The following PHF14 variants were observed in gnomAD, a reference collection of about 807,000 sequenced individuals.
PHF14 encodes PHD finger protein 14.
In PHF14, 55 loss-of-function variants were observed where a neutral mutation model predicts 117.9. The observed-to-expected ratio is 0.47, with a 90% CI of 0.38 to 0.58. The LOEUF (loss-of-function observed/expected upper bound fraction) is 0.58. PHF14 is among the 20% of genes least tolerant of loss of function. The pLI is 0.00. For missense variants in PHF14, 978 were observed against 1,122.2 expected (o/e 0.87, Z 1.84); for synonymous variants, 409 against 368.6 (o/e 1.11, Z -1.26).
chr7:11,152,032 T>C lies in PHF14; in HGVS notation c.2773-17384T>C, dbSNP rs73286520. On this transcript the variant is annotated intron_variant, in intron 17 of 17. Transcript: ENST00000634607. The stretch of plus-strand genomic sequence containing the variant: ...AGAAAAACTAGAAGGAGAGTTAATA[T>C]GTTTACCAAAATTTTCATAAATAAT... Among the ~76,000 whole-genome samples the C allele has an allele frequency of 2.5e-3, 385 of 152,298 alleles. 1 individual carries two copies. The highest frequency in any genetic ancestry group is 9.0e-3 in the African/African-American group (373 of 41,564).
chr7:10,987,261 T>G (rs1782257289), intron 3 of PHF14, among the ~76,000 whole-genome samples: 2 of 152,134 alleles, frequency 1.3e-5, no homozygotes, highest in African/African-American at 4.8e-5. Context: ...GGAAGTATGA[T>G]TGGTCAAGCT....
chr7:11,098,781 A>G (rs1291901908), intron 16 of PHF14, among the ~76,000 whole-genome samples: 1 of 152,196 alleles, frequency 6.6e-6, no homozygotes, highest in Non-Finnish European at 1.5e-5. Flanking sequence ...ATTTAAAATT[A>G]AATGCTTTGT....
chr7:11,027,929 A>T (rs1783980812), intron 6 of PHF14, among the ~76,000 whole-genome samples: 1 of 152,056 alleles, frequency 6.6e-6, no homozygotes, highest in Non-Finnish European at 1.5e-5. Flanking sequence ...ACTTGTCTTT[A>T]CTTTAATTTC....
At chr7:11,125,802 T>A (rs1426167552) in intron 17 of PHF14, among the ~76,000 whole-genome samples, 1 of 152,096 alleles carries the variant, frequency 6.6e-6, no homozygotes, top group African/African-American at 2.4e-5. Flanking sequence ...ATTTTAATAT[T>A]TTCTCTGAAG....
chr7:11,096,758 G>A (rs902855446), intron 16 of PHF14, among the ~76,000 whole-genome samples: 11 of 152,020 alleles, frequency 7.2e-5, no homozygotes, highest in African/African-American at 2.7e-4. Context: ...TCTTCCCACA[G>A]GACAGTCATG....
chr7:11,160,494 A>G (rs1323307060), intron 17 of PHF14, among the ~76,000 whole-genome samples: 1 of 152,196 alleles, frequency 6.6e-6, no homozygotes, highest in African/African-American at 2.4e-5. Flanking sequence ...CAGTGGCTGA[A>G]AAAATTTACA....
intron 4 of PHF14, among the ~76,000 whole-genome samples, chr7:10,999,924 C>T (rs1223901341): frequency 2.0e-5 from 3 of 152,108 alleles, no homozygotes; most frequent in Non-Finnish European, 4.4e-5. Context: ...TGAGACTTTG[C>T]TAATGATAAC....
At chr7:11,049,453 C>G (rs1023361993) in intron 13 of PHF14, among the ~76,000 whole-genome samples, 1 of 139,394 alleles carries the variant, frequency 7.2e-6, no homozygotes, top group Non-Finnish European at 1.5e-5. Context: ...CCAGCCTGGG[C>G]GACTTAGCAA....
Position 11,103,062 on chromosome 7 carries a change from T to TA in PHF14, c.2655-8287dup, listed in dbSNP as rs1226806215. On this transcript the variant is annotated intron_variant, in intron 16 of 17. Transcript: ENST00000634607. ...TTCATACATAGATTCATATATGAAG[T>TA]ACTGCATTGTAAAACAACTATAGAC... is the stretch of plus-strand genomic sequence containing the variant. The TA allele has an allele frequency of 1.1e-5, 11 of 980,194 alleles. No individual in the cohort carries two copies. The African/African-American group carries it at 1.9e-4, about 17-fold the overall frequency. The allele number at this position is 980,194 out of a possible 1,614,324, so 60.7% of individuals were successfully genotyped here.
intron 17 of PHF14, among the ~76,000 whole-genome samples, chr7:11,129,629 A>G (rs752260478): frequency 9.6e-5 from 14 of 145,196 alleles, no homozygotes; most frequent in Non-Finnish European, 1.9e-4. Context: ...CTTTCTGTTG[A>G]TGGACCTACC....
intron 6 of PHF14, among the ~76,000 whole-genome samples, chr7:11,027,646 A>T (rs55898701): frequency 2.6e-5 from 4 of 152,254 alleles, no homozygotes; most frequent in African/African-American, 4.8e-5. Flanking sequence ...GAATGTACAT[A>T]ATTGACTGTG....
chr7:11,008,903 G>T (rs912143444), intron 4 of PHF14, among the ~76,000 whole-genome samples: 24 of 151,970 alleles, frequency 1.6e-4, no homozygotes, highest in Non-Finnish European at 3.4e-4. Context: ...GGGCATGGTG[G>T]TGGGCGCCTG....
At chr7:11,030,866 A>C (rs973881157) in intron 7 of PHF14, among the ~76,000 whole-genome samples, 3 of 152,254 alleles carry the variant, frequency 2.0e-5, no homozygotes, top group Non-Finnish European at 4.4e-5. Flanking sequence ...TGTTATAAAC[A>C]GAGAATTAGA....
At chr7:11,086,991 G>A (rs1786435228) in intron 16 of PHF14, among the ~76,000 whole-genome samples, 1 of 151,990 alleles carries the variant, frequency 6.6e-6, no homozygotes, top group Non-Finnish European at 1.5e-5. Context: ...ATTTTTACGT[G>A]GGGTAATATC....
intron 17 of PHF14, among the ~76,000 whole-genome samples, chr7:11,128,629 T>C (rs1000359477): frequency 3.9e-5 from 6 of 151,902 alleles, no homozygotes; most frequent in African/African-American, 1.4e-4. Flanking sequence ...GTTTTATCCC[T>C]GACATTCAAG....
intron 2 of PHF14, among the ~76,000 whole-genome samples, chr7:10,976,285 A>G (rs1781863056): frequency 6.6e-6 from 1 of 152,072 alleles, no homozygotes; most frequent in Admixed American, 6.6e-5. Context: ...TTTATCTCCC[A>G]TTTAGTTGGT....
chr7:11,017,847 A>G (rs1783585868), intron 5 of PHF14, among the ~76,000 whole-genome samples: 1 of 152,118 alleles, frequency 6.6e-6, no homozygotes. Flanking sequence ...TACCCAGAGC[A>G]ATGTCCTGGA....
chr7:11,033,491 T>C (rs780196577), intron 7 of PHF14, among the ~76,000 whole-genome samples: 16 of 152,162 alleles, frequency 1.1e-4, no homozygotes, highest in Admixed American at 2.0e-4. Context: ...ATACAACTTA[T>C]TGGCCAGAAC....
chr7:11,018,990 A>G (rs1188704753), intron 5 of PHF14, among the ~76,000 whole-genome samples: 2 of 152,130 alleles, frequency 1.3e-5, no homozygotes, highest in African/African-American at 2.4e-5. Flanking sequence ...CATCAGTTGA[A>G]ATGATCATAT....
Sources: allele counts gnomAD v4.1 joint callset (sites outside exome capture counted in the v4.1 genomes callset), GRCh38; gene constraint gnomAD v4.1.1; transcripts MANE v1.5; gene names NCBI Gene and HGNC (gene_info 2026-07-23, HGNC 2026-07-21).